The following CDH12 variants were observed in gnomAD, a reference collection of about 807,000 sequenced individuals.
CDH12 encodes the protein cadherin 12, also known as cadherin-12.
Under a neutral mutation model 74.1 loss-of-function variants are expected in CDH12, and 41 were observed. The observed-to-expected ratio is 0.55, with a 90% CI of 0.43 to 0.72. The LOEUF (loss-of-function observed/expected upper bound fraction) is 0.72, where lower values mean the gene tolerates loss of function less well. Among genes scored for constraint, CDH12 ranks in the 30% least tolerant of loss-of-function variants. The probability of loss-of-function intolerance (pLI) is 0.00; values close to 1 mark genes in which losing one functional copy is unlikely to be tolerated. For synonymous variants in CDH12, 399 were observed against 355.0 expected (o/e 1.12, Z -1.39); for missense variants, 945 against 977.2 (o/e 0.97, Z 0.44).
intron 2 of CDH12, among the ~76,000 whole-genome samples, chr5:22,473,615 A>T (rs1453822139): frequency 6.6e-6 from 1 of 152,154 alleles, no homozygotes; most frequent in Non-Finnish European, 1.5e-5. Flanking sequence ...AATTTTTATT[A>T]ATTGCAAAAA....
At chr5:22,516,377 A>T (rs1361787275) in intron 1 of CDH12, among the ~76,000 whole-genome samples, 1 of 152,230 alleles carries the variant, frequency 6.6e-6, no homozygotes, top group Non-Finnish European at 1.5e-5. Flanking sequence ...AAGGAGTAGT[A>T]AAATAAAATT....
intron 4 of CDH12, among the ~76,000 whole-genome samples, chr5:22,116,949 A>AT (rs1052866181): frequency 1.6e-4 from 18 of 114,544 alleles, no homozygotes; most frequent in Middle Eastern, 5.3e-3. Flanking sequence ...TCTGATACAT[A>AT]TTTTTTTTTC....
At chr5:22,086,034 T>G (rs1743043012) in intron 4 of CDH12, among the ~76,000 whole-genome samples, 1 of 152,184 alleles carries the variant, frequency 6.6e-6, no homozygotes, top group Non-Finnish European at 1.5e-5. Context: ...CTAATGCAGC[T>G]TTTTTGGTTC....
intron 5 of CDH12, among the ~76,000 whole-genome samples, chr5:22,053,366 C>CTA (rs1303901594): frequency 6.6e-6 from 1 of 152,128 alleles, no homozygotes; most frequent in African/African-American, 2.4e-5. Context: ...GTGTGTGACA[C>CTA]TATGTGCCTT....
chr5:22,104,223 G>A (rs1381311288), intron 4 of CDH12, among the ~76,000 whole-genome samples: 2 of 152,106 alleles, frequency 1.3e-5, no homozygotes, highest in East Asian at 1.9e-4. Context: ...TAGCCATAAT[G>A]TATTAGAAAA....
intron 2 of CDH12, among the ~76,000 whole-genome samples, chr5:22,466,776 C>CTTTTTTTTTTT (rs70959733): frequency 2.2e-4 from 11 of 50,968 alleles, no homozygotes; most frequent in Non-Finnish European, 3.6e-4. Context: ...CCTCAGGAAT[C>CTTTTTTTTTTT]TTTTTTTTTT....
intron 3 of CDH12, among the ~76,000 whole-genome samples, chr5:22,272,757 A>C (rs1736455890): frequency 6.6e-6 from 1 of 152,172 alleles, no homozygotes; most frequent in Non-Finnish European, 1.5e-5. Flanking sequence ...ATGATGCACA[A>C]CATTGATCTA....
intron 6 of CDH12, among the ~76,000 whole-genome samples, chr5:21,899,285 G>T (rs548191459): frequency 5.3e-5 from 8 of 152,144 alleles, no homozygotes; most frequent in African/African-American, 1.9e-4. Flanking sequence ...CTTTATTCCT[G>T]GTTTTATAGA....
chr5:21,966,321 T>C (rs1308795537), intron 6 of CDH12, among the ~76,000 whole-genome samples: 2 of 152,138 alleles, frequency 1.3e-5, no homozygotes, highest in Non-Finnish European at 2.9e-5. Context: ...GACCAGATAG[T>C]AAATATTTTA....
intron 6 of CDH12, among the ~76,000 whole-genome samples, chr5:21,875,388 C>G (rs901098649): frequency 4.6e-5 from 7 of 152,168 alleles, no homozygotes; most frequent in African/African-American, 1.7e-4. Flanking sequence ...ATAACTGGCA[C>G]TTAGTGAGCC....
chr5:22,061,813 C>T (rs1359066882), intron 5 of CDH12, among the ~76,000 whole-genome samples: 4 of 152,084 alleles, frequency 2.6e-5, no homozygotes, highest in Non-Finnish European at 5.9e-5. Flanking sequence ...ATTTCTGGTG[C>T]CAATATAACT....
intron 1 of CDH12, among the ~76,000 whole-genome samples, chr5:22,788,913 G>A (rs1747776440): frequency 1.3e-5 from 2 of 151,796 alleles, no homozygotes; most frequent in South Asian, 4.2e-4. Context: ...TGATGTCTTC[G>A]TATGTGGATT....
chr5:22,725,625 C>T (rs1297663620), intron 1 of CDH12, among the ~76,000 whole-genome samples: 1 of 151,408 alleles, frequency 6.6e-6, no homozygotes, highest in Non-Finnish European at 1.5e-5. Flanking sequence ...ACACTAATCT[C>T]ACTTTTGAGG....
intron 4 of CDH12, among the ~76,000 whole-genome samples, chr5:22,084,045 A>G (rs1452771895): frequency 6.6e-6 from 1 of 152,196 alleles, no homozygotes; most frequent in Non-Finnish European, 1.5e-5. Flanking sequence ...TGGGAAGGAC[A>G]TAATTTTAGG....
intron 5 of CDH12, among the ~76,000 whole-genome samples, chr5:22,052,658 T>A (rs150411340): frequency 6.6e-6 from 1 of 152,184 alleles, no homozygotes; most frequent in Admixed American, 6.6e-5. Context: ...ATTAAAAACT[T>A]GTTTTGACAA....
Position 22,837,280 on chromosome 5 carries a change from TG to T in CDH12, c.-523+15777del, listed in dbSNP as rs1269059705. Among the ~76,000 whole-genome samples, 19 of 152,028 alleles carry T rather than the reference TG, an allele frequency of 1.2e-4. No homozygotes were observed. The South Asian group carries it at 1.5e-3, about 12-fold the overall frequency. On this transcript the variant is annotated intron_variant, in intron 1 of 14. Coordinates refer to ENST00000382254, the MANE Select transcript of CDH12 (RefSeq NM_004061.5). The stretch of plus-strand genomic sequence containing the variant: ...GAACAAAAATTTTAAAAAAATTAGC[TG>T]GGTGTGGTCCTAGCTCCTCTGAAGG...
intron 3 of CDH12, among the ~76,000 whole-genome samples, chr5:22,377,592 G>A (rs1304801530): frequency 6.6e-6 from 1 of 152,128 alleles, no homozygotes; most frequent in African/African-American, 2.4e-5. Context: ...GCAAAGATCT[G>A]CAACTCCCCT....
Position 21,755,787 on chromosome 5 carries a change from C to A in CDH12, c.1689G>T (p.Glu563Asp). 1 of 1,614,000 alleles carries A rather than the reference C, an allele frequency of 6.2e-7. No homozygotes were observed. The highest frequency in any genetic ancestry group is 2.2e-5 in the East Asian group (1 of 44,866). Reference sequence around the variant, plus strand: ...CTATTACAACAGGGAGGAAATACAACTCTTGCTGCCTGCGGCTGTATCCAT... The same window carrying A: ...CTATTACAACAGGGAGGAAATACAAATCTTGCTGCCTGCGGCTGTATCCAT... ...RRNGYSRRQQ[E>D]LYFLPVVIED... is the part of the protein sequence containing the mutation. Residue 563 changes from glutamate (E) to aspartate (D), a missense_variant, in exon 14 of 15, where the codon GAG (glutamate) becomes GAT (aspartate). By Grantham distance (45) the Glu-to-Asp change is conservative. Coordinates refer to ENST00000382254, the MANE Select transcript of CDH12 (RefSeq NM_004061.5).
intron 1 of CDH12, among the ~76,000 whole-genome samples, chr5:22,840,492 G>A (rs1482894724): frequency 1.3e-5 from 2 of 150,594 alleles, no homozygotes; most frequent in Admixed American, 6.7e-5. Context: ...GCATAATACA[G>A]TGATTTATAT....
Sources: gnomAD v4.1 joint callset for allele counts (sites outside exome capture counted in the v4.1 genomes callset) on GRCh38, gnomAD v4.1.1 for gene constraint, MANE v1.5 for transcripts, NCBI Gene and HGNC (gene_info 2026-07-23, HGNC 2026-07-21) for gene names.